DPP10: variants seen among roughly 807,000 people sequenced by gnomAD.
DPP10 encodes the protein inactive dipeptidyl peptidase 10.
In DPP10, 33 loss-of-function variants were observed where a neutral mutation model predicts 120.9. The observed-to-expected ratio is 0.27, with a 90% CI of 0.21 to 0.37. The LOEUF (loss-of-function observed/expected upper bound fraction) is 0.37. Ranked by LOEUF, DPP10 falls within the 10% of genes least tolerant of loss-of-function variation. The pLI is 1.00. For synonymous variants in DPP10, 337 were observed against 326.1 expected (o/e 1.03, Z -0.36); for missense variants, 816 against 942.8 (o/e 0.87, Z 1.76).
At chr2:114,819,903 A>G (rs1041440243) in intron 1 of DPP10, among the ~76,000 whole-genome samples, 2 of 152,212 alleles carry the variant, frequency 1.3e-5, no homozygotes, top group Non-Finnish European at 1.5e-5. Context: ...GGATTAATGT[A>G]CGGCCATTTT....
intron 1 of DPP10, among the ~76,000 whole-genome samples, chr2:114,953,364 T>C (rs1697937645): frequency 6.6e-6 from 1 of 152,168 alleles, no homozygotes; most frequent in Admixed American, 6.5e-5. Context: ...AAATGTCCTA[T>C]AAACCAAAGT....
At chr2:115,777,422 AC>A in intron 14 of DPP10, 123 bp downstream of exon 14, 1 of 826,782 alleles carries the variant, frequency 1.2e-6, no homozygotes, top group Non-Finnish European at 1.9e-6. Flanking sequence ...GGAAAGAATA[AC>A]CTTTCTTTAA....
At chr2:115,021,140 C>A (rs1703042659) in intron 1 of DPP10, among the ~76,000 whole-genome samples, 1 of 150,992 alleles carries the variant, frequency 6.6e-6, no homozygotes. Context: ...CAAACCCAAA[C>A]CCAACAGTAG....
intron 1 of DPP10, among the ~76,000 whole-genome samples, chr2:114,803,031 C>T (rs1558757319): frequency 6.6e-6 from 1 of 152,064 alleles, no homozygotes; most frequent in Admixed American, 6.5e-5. Context: ...TTTTATCTCC[C>T]AGAATTCCTA....
At chr2:114,551,993 C>T (rs1573633212) in intron 1 of DPP10, among the ~76,000 whole-genome samples, 1 of 152,134 alleles carries the variant, frequency 6.6e-6, no homozygotes, top group Non-Finnish European at 1.5e-5. Context: ...AATGGGGCCA[C>T]GTTAATGAGA....
chr2:115,054,173 G>A (rs550163645), intron 1 of DPP10, among the ~76,000 whole-genome samples: 23 of 152,096 alleles, frequency 1.5e-4, no homozygotes, highest in Admixed American at 5.9e-4. Flanking sequence ...GAAACCCGTG[G>A]AAGCTTTACT....
intron 1 of DPP10, among the ~76,000 whole-genome samples, chr2:114,525,589 C>T (rs893678039): frequency 2.0e-5 from 3 of 152,112 alleles, no homozygotes; most frequent in Non-Finnish European, 4.4e-5. Context: ...AAGTATTGTT[C>T]GAGATCGAGT....
intron 1 of DPP10, among the ~76,000 whole-genome samples, chr2:114,844,446 G>C (rs1253280757): frequency 1.3e-5 from 2 of 151,412 alleles, no homozygotes; most frequent in Non-Finnish European, 2.9e-5. Context: ...GGTATTACCA[G>C]GTTCTTGCTA....
intron 1 of DPP10, among the ~76,000 whole-genome samples, chr2:115,156,134 A>T (rs2051893829): frequency 6.6e-6 from 1 of 152,224 alleles, no homozygotes; most frequent in Non-Finnish European, 1.5e-5. Context: ...AACAGAATTA[A>T]ACAATGTTCA....
chr2:114,733,314 T>G (rs746032343), intron 1 of DPP10, among the ~76,000 whole-genome samples: 6 of 152,150 alleles, frequency 3.9e-5, no homozygotes, highest in Non-Finnish European at 8.8e-5. Context: ...ACTCCATCCC[T>G]CCTCAGCATC....
At chr2:115,712,155 G>A (rs2092340198) in intron 7 of DPP10, among the ~76,000 whole-genome samples, 1 of 151,162 alleles carries the variant, frequency 6.6e-6, no homozygotes, top group Admixed American at 6.6e-5. Context: ...TGCAGAATCA[G>A]TAGGAGCCCT....
chr2:115,147,913 G>A lies in DPP10; in HGVS notation c.61-161326G>A, dbSNP rs187813457. ...TCTTTTTGGTAGATAGGGAAACCCC[G>A]TTTGGACCCTCAGACACAGCCCACT... On this transcript the variant is annotated intron_variant, in intron 1 of 25. Coordinates refer to ENST00000410059, the MANE Select transcript of DPP10 (RefSeq NM_020868.6). Among the ~76,000 whole-genome samples the A allele has an allele frequency of 1.3e-3, 201 of 152,224 alleles. 4 individuals are homozygous for A. Among genetic ancestry groups the A allele is most frequent in the Admixed American group, 0.012 (190 of 15,276 alleles).
chr2:115,261,085 T>C lies in DPP10; in HGVS notation c.61-48154T>C, dbSNP rs374387082. Among the ~76,000 whole-genome samples, 48 of 152,264 alleles carry C rather than the reference T, an allele frequency of 3.2e-4. 2 individuals carry two copies. The East Asian group carries it at 4.6e-3, about 15-fold the overall frequency. ...ATAAATTCAAACCACCTTAGTGGAA[T>C]ATAATTATGAGGAGGAGCTATAGTC... On this transcript the variant is annotated intron_variant, in intron 1 of 25. Transcript: ENST00000410059.
At position 114,746,414 on chromosome 2, in the gene DPP10, C is replaced by T. The variant is rs540498347; in HGVS notation, c.60+303576C>T. Among the ~76,000 whole-genome samples, 520 of 152,246 alleles carry T rather than the reference C, an allele frequency of 3.4e-3. 4 individuals carry two copies. Among genetic ancestry groups the T allele is most frequent in the African/African-American group, 0.012 (501 of 41,540 alleles). On this transcript the variant is annotated intron_variant, in intron 1 of 25. Transcript: ENST00000410059. ...TATCAGTCTTATTTTTTCTTTCCTT[C>T]CTCTGCTCCCAGATCAGAAAAATCA... is the stretch of plus-strand genomic sequence containing the variant.
chr2:115,077,764 C>G (rs1307089497), intron 1 of DPP10, among the ~76,000 whole-genome samples: 1 of 152,224 alleles, frequency 6.6e-6, no homozygotes, highest in Non-Finnish European at 1.5e-5. Context: ...CAAGATTTCC[C>G]TGACTCACTT....
intron 3 of DPP10, among the ~76,000 whole-genome samples, chr2:115,395,565 T>C (rs188565547): frequency 7.7e-4 from 117 of 152,300 alleles, no homozygotes; most frequent in African/African-American, 2.6e-3. Flanking sequence ...GACTGATTAA[T>C]GTATGCTGCT....
chr2:115,085,888 T>A (rs1452512743), intron 1 of DPP10, among the ~76,000 whole-genome samples: 3 of 152,244 alleles, frequency 2.0e-5, no homozygotes, highest in Non-Finnish European at 4.4e-5. Context: ...TTTTTTATCT[T>A]GGCCAAATTC....
rs372662243 is a variant in DPP10, at chr2:114,993,376, T to C, written c.61-315863T>C. On this transcript the variant is annotated intron_variant, in intron 1 of 25. Coordinates refer to ENST00000410059, the MANE Select transcript of DPP10 (RefSeq NM_020868.6). ...AGGGTGAATAATACTTTTTTTTTTT[T>C]CCACACAGATGAATGAATAAATTAG... Among the ~76,000 whole-genome samples the C allele has an allele frequency of 6.5e-5, 9 of 138,826 alleles. No individual in the cohort carries two copies. In the South Asian group the frequency reaches 1.6e-3, roughly 25 times the overall value. The allele number at this position is 138,826 out of a possible 152,430, so 91.1% of individuals were successfully genotyped here. A position where few individuals can be genotyped will look rare whatever the true frequency, so the allele number is the denominator to read the frequency against.
intron 1 of DPP10, among the ~76,000 whole-genome samples, chr2:114,509,339 A>G (rs924481179): frequency 3.3e-5 from 5 of 152,250 alleles, no homozygotes; most frequent in African/African-American, 1.2e-4. Context: ...ACCTACTTTA[A>G]TAATAATTCT....
Sources: gnomAD v4.1 joint callset for allele counts (sites outside exome capture counted in the v4.1 genomes callset) on GRCh38, gnomAD v4.1.1 for gene constraint, MANE v1.5 for transcripts, NCBI Gene and HGNC (gene_info 2026-07-23, HGNC 2026-07-21) for gene names.